The following GDA variants were observed in gnomAD, a reference collection of about 807,000 sequenced individuals.
GDA encodes the protein guanine deaminase.
A neutral mutation model predicts 59.6 loss-of-function variants in GDA; 18 were observed. That is an observed-to-expected ratio of 0.30 (90% CI 0.21 to 0.45). The LOEUF is 0.45. Ranked by LOEUF, GDA falls within the 20% of genes least tolerant of loss-of-function variation. The pLI is 1.00. For synonymous variants in GDA, 201 were observed against 201.1 expected, an observed-to-expected ratio of 1.00 and a Z score of 0.00; for missense variants, 427 against 552.3, an observed-to-expected ratio of 0.77 and a Z score of 2.27.
chr9:72,121,039 G>A (rs1825642201), intron 1 of GDA, among the ~76,000 whole-genome samples: 1 of 152,040 alleles, frequency 6.6e-6, no homozygotes, highest in South Asian at 2.1e-4. Context: ...TCAACCACAG[G>A]CGTTTCAATA....
At chr9:72,248,163 A>T in intron 13 of GDA, 109 bp from the exon 14 acceptor site, 2 of 768,072 alleles carry the variant, frequency 2.6e-6, no homozygotes, top group Non-Finnish European at 4.6e-6. Flanking sequence ...AGCAGCTTTT[A>T]GTATTTCCTC....
intron 11 of GDA, among the ~76,000 whole-genome samples, chr9:72,244,373 A>G (rs1455388407): frequency 6.6e-6 from 1 of 152,160 alleles, no homozygotes; most frequent in Admixed American, 6.5e-5. Context: ...ATAATGAGAG[A>G]TGTTCTTCCT....
chr9:72,148,685 T>C (rs1438198745), upstream of GDA, among the ~76,000 whole-genome samples: 1 of 152,064 alleles, frequency 6.6e-6, no homozygotes, highest in Non-Finnish European at 1.5e-5. Flanking sequence ...TGACCCTAGT[T>C]ATGACCCAGT....
At position 72,207,943 on chromosome 9, in the gene GDA, TA is replaced by T. The variant is rs139648313; in HGVS notation, c.385-2734del. On this transcript the variant is annotated intron_variant, in intron 3 of 13. Coordinates refer to ENST00000358399, the MANE Select transcript of GDA (RefSeq NM_004293.5). Reference sequence around the variant, plus strand: ...TGGGCAACATAGCAAGGGCTTGTCTTAAAAAAAAAATAGCTAGGCATGGTGG... The same window carrying T: ...TGGGCAACATAGCAAGGGCTTGTCTTAAAAAAAAATAGCTAGGCATGGTGG... 2.3e-4 allele frequency among the ~76,000 whole-genome samples: 34 copies of T among 148,634 alleles called. No homozygotes were observed. The South Asian group carries it at 2.8e-3, about 12-fold the overall frequency.
chr9:72,132,798 C>T (rs975961399), intron 1 of GDA, among the ~76,000 whole-genome samples: 6 of 152,088 alleles, frequency 3.9e-5, no homozygotes, highest in African/African-American at 1.4e-4. Context: ...TCCCTGTACC[C>T]GACTAAGTTG....
intron 7 of GDA, among the ~76,000 whole-genome samples, chr9:72,224,146 A>G (rs896819161): frequency 1.3e-5 from 2 of 152,218 alleles, no homozygotes; most frequent in African/African-American, 4.8e-5. Context: ...CGACAAAATA[A>G]AATACACATG....
intron 1 of GDA, among the ~76,000 whole-genome samples, chr9:72,152,659 TGTTTGA>T (rs948693701): frequency 6.6e-5 from 10 of 152,236 alleles, no homozygotes; most frequent in Non-Finnish European, 2.9e-5. Context: ...CTTGTAAATT[TGTTTGA>T]GTTCATTGTG....
intron 8 of GDA, among the ~76,000 whole-genome samples, chr9:72,227,240 A>G (rs141942012): frequency 2.0e-5 from 3 of 152,042 alleles, no homozygotes; most frequent in African/African-American, 7.2e-5. Flanking sequence ...AAGAAAATCT[A>G]CAAATAAATA....
chr9:72,204,311 C>T (rs1834396097), intron 3 of GDA, among the ~76,000 whole-genome samples: 1 of 152,072 alleles, frequency 6.6e-6, no homozygotes, highest in Non-Finnish European at 1.5e-5. Flanking sequence ...TTTATTTATG[C>T]CTCACATTGT....
At chr9:72,191,978 T>C (rs1392801241) in intron 1 of GDA, among the ~76,000 whole-genome samples, 1 of 152,114 alleles carries the variant, frequency 6.6e-6, no homozygotes, top group Non-Finnish European at 1.5e-5. Context: ...TACTCTTCTT[T>C]CGATTAAGTG....
intron 1 of GDA, among the ~76,000 whole-genome samples, chr9:72,160,831 C>CTTTT (rs1006892758): frequency 1.3e-5 from 2 of 152,210 alleles, no homozygotes; most frequent in African/African-American, 2.4e-5. Context: ...TCCTTTGTGT[C>CTTTT]TTTGTCCATG....
chr9:72,208,176 G>A (rs1300759553), intron 3 of GDA, among the ~76,000 whole-genome samples: 16 of 152,098 alleles, frequency 1.1e-4, no homozygotes, highest in Admixed American at 5.9e-4. Context: ...TCTAAGGTAC[G>A]GCATGTTCAT....
In GDA at chr9:72,248,504, A is replaced by G. The variant is rs532914945; in HGVS notation, c.*162A>G. ...TTCACTTGACAAATAGTTCGAAGGA[A>G]GTTGCACTAATTCTCAACTCTGGTT... is the stretch of plus-strand genomic sequence containing the variant. On this transcript the variant is annotated 3_prime_UTR_variant, in exon 14 of 14. Coordinates refer to ENST00000358399, the MANE Select transcript of GDA (RefSeq NM_004293.5). The G allele has an allele frequency of 3.0e-5, 43 of 1,429,402 alleles. No homozygotes were observed. The South Asian group carries it at 4.3e-4, about 14-fold the overall frequency. The allele number at this position is 1,429,402 out of a possible 1,614,324, so 88.5% of individuals were successfully genotyped here.
At chr9:72,204,793 T>A (rs1215622649) in intron 3 of GDA, among the ~76,000 whole-genome samples, 2 of 152,176 alleles carry the variant, frequency 1.3e-5, no homozygotes, top group African/African-American at 4.8e-5. Flanking sequence ...ATCAGAGATT[T>A]GTTTAAGTAT....
intron 1 of GDA, among the ~76,000 whole-genome samples, chr9:72,150,605 AT>A (rs1331327761): frequency 6.6e-6 from 1 of 152,142 alleles, no homozygotes; most frequent in African/African-American, 2.4e-5. Context: ...TGGAGATGGG[AT>A]TTTTTGAGCT....
chr9:72,202,894 T>TGC, intron 3 of GDA, 152 bp downstream of exon 3: 2 of 467,536 alleles, frequency 4.3e-6, no homozygotes, highest in South Asian at 4.7e-5. Flanking sequence ...TCCAGTGAGT[T>TGC]TGTGACCACC....
chr9:72,218,067 C>T (rs1267264115), intron 5 of GDA, among the ~76,000 whole-genome samples: 4 of 152,074 alleles, frequency 2.6e-5, no homozygotes, highest in South Asian at 2.1e-4. Flanking sequence ...GCCCCTGCCA[C>T]CATGCCCAGC....
chr9:72,156,054 G>A (rs914297604), intron 1 of GDA, among the ~76,000 whole-genome samples: 78 of 152,192 alleles, frequency 5.1e-4, no homozygotes, highest in African/African-American at 1.7e-3. Flanking sequence ...GATAGAATCA[G>A]TAGCTATTTA....
intron 1 of GDA, among the ~76,000 whole-genome samples, chr9:72,142,804 T>C (rs1163977741): frequency 6.6e-6 from 1 of 152,072 alleles, no homozygotes; most frequent in Non-Finnish European, 1.5e-5. Context: ...GTTTTGCTCT[T>C]GTTGCCCAGG....
Sources: allele counts gnomAD v4.1 joint callset (sites outside exome capture counted in the v4.1 genomes callset), GRCh38; gene constraint gnomAD v4.1.1; transcripts MANE v1.5; gene names NCBI Gene and HGNC (gene_info 2026-07-23, HGNC 2026-07-21).